The following C3orf33 variants were observed in gnomAD, a reference collection of about 807,000 sequenced individuals.
C3orf33 encodes AP-1 activity suppressor.
In C3orf33, 23 loss-of-function variants were observed where a neutral mutation model predicts 28.7. That is an observed-to-expected ratio of 0.80 (90% CI 0.58 to 1.13). The LOEUF (loss-of-function observed/expected upper bound fraction) is 1.13, where lower values mean the gene tolerates loss of function less well. C3orf33 is among the 50% of genes most tolerant of loss of function. The probability of loss-of-function intolerance (pLI) is 0.00; values close to 1 mark genes in which losing one functional copy is unlikely to be tolerated. For synonymous variants in C3orf33, 119 were observed against 120.5 expected (o/e 0.99, Z 0.08); for missense variants, 327 against 353.4 (o/e 0.93, Z 0.60).
intron 1 of C3orf33, chr3:155,804,244 G>A: frequency 2.8e-6 from 1 of 363,242 alleles, no homozygotes. Flanking sequence ...TCTGTGATTG[G>A]ATTATTTGTA....
intron 1 of C3orf33, chr3:155,804,185 G>A (rs1751749780): frequency 4.7e-6 from 2 of 430,038 alleles, no homozygotes; most frequent in Non-Finnish European, 9.2e-6. Context: ...TAAAAAAAAA[G>A]AAAAAGGAAA....
At position 155,763,337 on chromosome 3, in the gene C3orf33, ATTTG is replaced by A. The variant is rs1750292927; in HGVS notation, c.*176_*179del. The stretch of plus-strand genomic sequence containing the variant: ...CTAAAATCATATTACATTAATTATA[ATTTG>A]TTTAAATTAATTCTGACATTATGCT... On this transcript the variant is annotated 3_prime_UTR_variant, in exon 5 of 5. Coordinates refer to ENST00000340171, the MANE Select transcript of C3orf33 (RefSeq NM_001308229.2). 9.3e-6 allele frequency: 4 copies of A among 429,468 alleles called. No homozygotes were observed. The highest frequency in any genetic ancestry group is 6.0e-4 in the Middle Eastern group (1 of 1,662). 26.6% of individuals were successfully genotyped at this position (429,468 alleles called of 1,614,324 possible).
intron 4 of C3orf33, among the ~76,000 whole-genome samples, chr3:155,765,937 ATC>A (rs1750389790): frequency 6.6e-6 from 1 of 152,258 alleles, no homozygotes; most frequent in Admixed American, 6.5e-5. Context: ...AGTACTGAAT[ATC>A]ATCTGGACAT....
intron 2 of C3orf33, among the ~76,000 whole-genome samples, chr3:155,787,478 C>T (rs768496505): frequency 2.6e-5 from 4 of 151,338 alleles, no homozygotes; most frequent in Non-Finnish European, 4.4e-5. Flanking sequence ...CAGCCTCCCC[C>T]GTAGCTGGGA....
chr3:155,783,391 G>A (rs907323397), intron 2 of C3orf33, among the ~76,000 whole-genome samples: 1 of 151,758 alleles, frequency 6.6e-6, no homozygotes, highest in African/African-American at 2.4e-5. Flanking sequence ...CTGACCTCAG[G>A]TGATCCACCC....
chr3:155,770,288 G>A (rs1402342525), intron 3 of C3orf33, among the ~76,000 whole-genome samples: 1 of 152,154 alleles, frequency 6.6e-6, no homozygotes, highest in Non-Finnish European at 1.5e-5. Context: ...CCAGACCAGG[G>A]TGCAAGCCAA....
chr3:155,806,020 G>T, intron 1 of C3orf33, 119 bp downstream of exon 1: 1 of 626,754 alleles, frequency 1.6e-6, no homozygotes, highest in East Asian at 3.2e-5. Flanking sequence ...TCATTCCCCC[G>T]CAGTTTTCTG....
intron 2 of C3orf33, among the ~76,000 whole-genome samples, chr3:155,798,801 C>T (rs1305149538): frequency 3.9e-5 from 6 of 152,088 alleles, no homozygotes; most frequent in Admixed American, 2.6e-4. Flanking sequence ...GCTTCTGCAC[C>T]ACAAAGGAAA....
At chr3:155,776,221 A>G (rs1200752512) in intron 2 of C3orf33, among the ~76,000 whole-genome samples, 1 of 152,212 alleles carries the variant, frequency 6.6e-6, no homozygotes, top group Non-Finnish European at 1.5e-5. Context: ...CTATTCATGC[A>G]TATACTGACG....
Position 155,767,507 on chromosome 3 carries a change from ACC to A in C3orf33, c.483_483+1del. 9 of 1,537,052 alleles carry A rather than the reference ACC, an allele frequency of 5.9e-6. No homozygotes were observed. The highest frequency in any genetic ancestry group is 7.9e-6 in the Non-Finnish European group (9 of 1,133,654). Reference sequence around the variant, plus strand: ...TGCTAGTTATTTCTTCACATTGCTTACCTTACTCACCAGAAGATAGCAAAAGA... The same window carrying A: ...TGCTAGTTATTTCTTCACATTGCTTATTACTCACCAGAAGATAGCAAAAGA... On this transcript the variant is annotated splice_donor_variant and coding_sequence_variant, in exon 4 of 5. Coordinates refer to ENST00000340171, the MANE Select transcript of C3orf33 (RefSeq NM_001308229.2). LOFTEE classifies it high-confidence loss of function.
At position 155,794,192 on chromosome 3, in the gene C3orf33, G is replaced by C. The variant is rs1053352889; in HGVS notation, c.174+8340C>G. On this transcript the variant is annotated intron_variant, in intron 2 of 4. Coordinates refer to ENST00000340171, the MANE Select transcript of C3orf33 (RefSeq NM_001308229.2). The stretch of plus-strand genomic sequence containing the variant: ...AACAGAGTTTCACCATGTTGGCCAG[G>C]CTGGTCTCAAACTCCTGACCTCAGG... Among the ~76,000 whole-genome samples the C allele has an allele frequency of 4.6e-5, 7 of 152,100 alleles. No homozygotes were observed. In the East Asian group the frequency reaches 1.4e-3, roughly 30 times the overall value.
chr3:155,780,063 G>A (rs112872852), intron 2 of C3orf33, among the ~76,000 whole-genome samples: 2,757 of 152,316 alleles, frequency 0.018, 65 homozygotes, highest in African/African-American at 0.063. Context: ...TATAAGTGTA[G>A]AGCAATACAT....
At chr3:155,802,985 T>A (rs1751696138) in intron 1 of C3orf33, among the ~76,000 whole-genome samples, 1 of 152,212 alleles carries the variant, frequency 6.6e-6, no homozygotes. Flanking sequence ...CATCAATATA[T>A]GAACTGGTCT....
intron 2 of C3orf33, among the ~76,000 whole-genome samples, chr3:155,784,091 C>A (rs927797266): frequency 1.1e-4 from 16 of 151,892 alleles, no homozygotes; most frequent in Admixed American, 9.8e-4. Context: ...GCCACCAGGC[C>A]CAGCTAATTT....
chr3:155,765,206 G>T (rs141821718), intron 4 of C3orf33, among the ~76,000 whole-genome samples: 125 of 152,332 alleles, frequency 8.2e-4, no homozygotes, highest in African/African-American at 2.9e-3. Context: ...AGGCTCAGGA[G>T]CCAGGAAGAG....
chr3:155,793,715 C>T (rs1265855698), intron 2 of C3orf33, among the ~76,000 whole-genome samples: 3 of 144,252 alleles, frequency 2.1e-5, no homozygotes, highest in Non-Finnish European at 4.5e-5. Flanking sequence ...GAGGCTAAGG[C>T]AGGAGAATCT....
chr3:155,791,397 C>A (rs1460045924), intron 2 of C3orf33, among the ~76,000 whole-genome samples: 1 of 152,130 alleles, frequency 6.6e-6, no homozygotes, highest in Admixed American at 6.5e-5. Context: ...CAGCACATTA[C>A]CAGCTGTGAT....
chr3:155,763,427 C>A lies in C3orf33; in HGVS notation c.*90G>T. The stretch of plus-strand genomic sequence containing the variant: ...TTGGACTAACACTTTGATCATTTGG[C>A]AAAACTTCCATTTTGATTCAATGAA... On this transcript the variant is annotated 3_prime_UTR_variant, in exon 5 of 5. Coordinates refer to ENST00000340171, the MANE Select transcript of C3orf33 (RefSeq NM_001308229.2). 4.0e-6 allele frequency: 4 copies of A among 998,212 alleles called. No homozygotes were observed. In the East Asian group the frequency reaches 1.2e-4, roughly 30 times the overall value. The allele number at this position is 998,212 out of a possible 1,614,324, so 61.8% of individuals were successfully genotyped here.
intron 2 of C3orf33, among the ~76,000 whole-genome samples, chr3:155,801,657 T>C (rs539002685): frequency 9.3e-4 from 142 of 152,176 alleles, no homozygotes; most frequent in African/African-American, 3.0e-3. Flanking sequence ...ACATGAGATA[T>C]CTAGAATGGT....
Sources: gnomAD v4.1 joint callset for allele counts (sites outside exome capture counted in the v4.1 genomes callset) on GRCh38, gnomAD v4.1.1 for gene constraint, MANE v1.5 for transcripts, NCBI Gene and HGNC (gene_info 2026-07-23, HGNC 2026-07-21) for gene names.